The following EPHA6 variants were observed in gnomAD, a reference collection of about 807,000 sequenced individuals.
EPHA6 encodes the protein EPH receptor A6.
In EPHA6, 50 loss-of-function variants were observed where a neutral mutation model predicts 112.0. That is an observed-to-expected ratio of 0.45 (90% CI 0.36 to 0.56). The LOEUF is 0.56. Ranked by LOEUF, EPHA6 falls within the 20% of genes least tolerant of loss-of-function variation. The pLI is 0.00. For synonymous variants in EPHA6, 529 were observed against 490.7 expected (o/e 1.08, Z -1.03); for missense variants, 1,280 against 1,417.4 (o/e 0.90, Z 1.56).
chr3:97,434,761 T>C (rs1325036170), intron 6 of EPHA6, among the ~76,000 whole-genome samples: 1 of 152,058 alleles, frequency 6.6e-6, no homozygotes, highest in Admixed American at 6.6e-5. Context: ...GCAGCTCATC[T>C]CTGCTTCACA....
intron 14 of EPHA6, among the ~76,000 whole-genome samples, chr3:97,696,739 C>T (rs1300799898): frequency 6.6e-6 from 1 of 152,132 alleles, no homozygotes; most frequent in East Asian, 1.9e-4. Flanking sequence ...AGCGTTGCTA[C>T]ATGTGTTAAC....
chr3:97,656,221 T>C (rs1407987977), intron 14 of EPHA6, among the ~76,000 whole-genome samples: 1 of 152,054 alleles, frequency 6.6e-6, no homozygotes, highest in African/African-American at 2.4e-5. Context: ...GTTTTAATGC[T>C]ACTTCTTTAA....
At chr3:96,889,016 C>G (rs558152976) in intron 2 of EPHA6, among the ~76,000 whole-genome samples, 60 of 152,178 alleles carry the variant, frequency 3.9e-4, no homozygotes, top group Non-Finnish European at 6.3e-4. Flanking sequence ...CTCTCATGTT[C>G]AAAGTTCCAC....
intron 3 of EPHA6, among the ~76,000 whole-genome samples, chr3:97,001,600 C>A (rs530428680): frequency 2.0e-5 from 3 of 151,854 alleles, no homozygotes. Context: ...GGTAAGTTAT[C>A]GTTTTCAATC....
At chr3:97,444,966 G>T (rs1029273543) in intron 6 of EPHA6, among the ~76,000 whole-genome samples, 1 of 151,972 alleles carries the variant, frequency 6.6e-6, no homozygotes, top group Admixed American at 6.6e-5. Context: ...AAGTGCCAGG[G>T]TCTTCCCATG....
intron 1 of EPHA6, among the ~76,000 whole-genome samples, chr3:96,833,605 A>G (rs746133749): frequency 1.1e-4 from 16 of 152,120 alleles, no homozygotes; most frequent in Non-Finnish European, 2.1e-4. Flanking sequence ...GATGGAGTGG[A>G]TATATCATCT....
intron 5 of EPHA6, among the ~76,000 whole-genome samples, chr3:97,323,235 T>C (rs2082205669): frequency 6.6e-6 from 1 of 151,986 alleles, no homozygotes. Flanking sequence ...AATTCTGAAA[T>C]GTAATTTTGA....
intron 15 of EPHA6, 29 bp from the exon 16 acceptor site, chr3:97,735,895 AG>A (rs2035232050): frequency 4.0e-6 from 6 of 1,484,352 alleles, no homozygotes; most frequent in African/African-American, 1.4e-5. Context: ...CCTAAAAATA[AG>A]AGAGTAATCT....
chr3:97,558,474 A>G (rs2093144604), intron 11 of EPHA6, among the ~76,000 whole-genome samples: 1 of 151,820 alleles, frequency 6.6e-6, no homozygotes, highest in Non-Finnish European at 1.5e-5. Flanking sequence ...TTTTCCCTTC[A>G]TGGTTATTTC....
intron 3 of EPHA6, among the ~76,000 whole-genome samples, chr3:97,001,750 C>G (rs2043672464): frequency 6.6e-6 from 1 of 151,886 alleles, no homozygotes; most frequent in South Asian, 2.1e-4. Context: ...AGTTTCAAGT[C>G]ACTGTATACA....
At chr3:96,901,235 G>T (rs371009581) in intron 2 of EPHA6, among the ~76,000 whole-genome samples, 22 of 151,780 alleles carry the variant, frequency 1.4e-4, no homozygotes, top group African/African-American at 4.6e-4. Flanking sequence ...CTATGCCATG[G>T]GTACCTTAAA....
intron 14 of EPHA6, among the ~76,000 whole-genome samples, chr3:97,675,498 A>C (rs1025548045): frequency 3.3e-4 from 50 of 152,202 alleles, no homozygotes; most frequent in African/African-American, 1.1e-3. Context: ...AAAGTAAATA[A>C]ATAAAAACCA....
intron 3 of EPHA6, among the ~76,000 whole-genome samples, chr3:97,110,681 C>A (rs1383304800): frequency 2.0e-5 from 3 of 151,942 alleles, no homozygotes; most frequent in African/African-American, 7.2e-5. Context: ...TGTGCCACCA[C>A]ACCCAGATAA....
intron 6 of EPHA6, among the ~76,000 whole-genome samples, chr3:97,431,420 A>G (rs1030512266): frequency 1.1e-4 from 16 of 152,150 alleles, no homozygotes; most frequent in African/African-American, 3.6e-4. Flanking sequence ...TAGAATATAA[A>G]TTAATTGTTT....
rs2076658699 is a variant in EPHA6, at chr3:97,170,127, A to G, written c.1115-56137A>G. Among the ~76,000 whole-genome samples, 6 of 151,880 alleles carry G rather than the reference A, an allele frequency of 4.0e-5. No individual in the cohort carries two copies. In the South Asian group the frequency reaches 8.3e-4, roughly 21 times the overall value. ...CACATGTATCCCAGAACTTAAAGAA[A>G]AAAAAAAAGCCAAAATAGAAGGAAA... On this transcript the variant is annotated intron_variant, in intron 3 of 17. Coordinates refer to ENST00000389672, the MANE Select transcript of EPHA6 (RefSeq NM_001080448.3).
At chr3:97,539,556 A>C (rs541281877) in intron 11 of EPHA6, among the ~76,000 whole-genome samples, 17 of 152,214 alleles carry the variant, frequency 1.1e-4, no homozygotes, top group African/African-American at 4.1e-4. Flanking sequence ...TTCATTGTCC[A>C]CCATTCTTCT....
At chr3:96,897,211 AACACACACAC>A (rs57409609) in intron 2 of EPHA6, among the ~76,000 whole-genome samples, 288 of 143,420 alleles carry the variant, frequency 2.0e-3, no homozygotes, top group African/African-American at 6.7e-3. Flanking sequence ...TGTATATACA[AACACACACAC>A]ACACACACAC....
rs151233554 is a variant in EPHA6, at chr3:97,562,605, G to A, written c.2387-30007G>A. On this transcript the variant is annotated intron_variant, in intron 11 of 17. Coordinates refer to ENST00000389672, the MANE Select transcript of EPHA6 (RefSeq NM_001080448.3). ...AATCTACTCCTAGTGAAGATGCTAC[G>A]CACATTGTTGACAGTGCAACAAACA... 2.6e-3 allele frequency among the ~76,000 whole-genome samples: 400 copies of A among 152,254 alleles called. 1 individual carries two copies. Among genetic ancestry groups the A allele is most frequent in the African/African-American group, 8.6e-3 (356 of 41,568 alleles).
chr3:97,676,241 A>G (rs2107670500), intron 14 of EPHA6, among the ~76,000 whole-genome samples: 1 of 152,158 alleles, frequency 6.6e-6, no homozygotes, highest in South Asian at 2.1e-4. Flanking sequence ...AGAGGCTGAG[A>G]ATATGAGGAG....
Sources: gnomAD v4.1 joint callset for allele counts (sites outside exome capture counted in the v4.1 genomes callset) on GRCh38, gnomAD v4.1.1 for gene constraint, MANE v1.5 for transcripts, NCBI Gene and HGNC (gene_info 2026-07-23, HGNC 2026-07-21) for gene names.